STRBP: variants seen among roughly 807,000 people sequenced by gnomAD.
STRBP encodes spermatid perinuclear RNA-binding protein.
Under a neutral mutation model 80.1 loss-of-function variants are expected in STRBP, and 13 were observed. The ratio of observed to expected loss-of-function variants is 0.16; its 90% CI spans 0.11 to 0.26. STRBP has a LOEUF of 0.26. Among genes scored for constraint, STRBP ranks in the 10% least tolerant of loss-of-function variants. The pLI is 1.00. For missense variants in STRBP, 485 were observed against 815.2 expected (o/e 0.59, Z 4.93); for synonymous variants, 284 against 291.2 (o/e 0.98, Z 0.25).
intron 2 of STRBP, among the ~76,000 whole-genome samples, chr9:123,212,096 G>A (rs1275334806): frequency 1.3e-5 from 2 of 152,048 alleles, no homozygotes; most frequent in East Asian, 1.9e-4. Flanking sequence ...CCTTAATACG[G>A]ATTTTTTTCA....
chr9:123,258,609 C>T (rs973954301), intron 1 of STRBP, among the ~76,000 whole-genome samples: 2 of 152,010 alleles, frequency 1.3e-5, no homozygotes, highest in African/African-American at 2.4e-5. Flanking sequence ...CGAGACCATC[C>T]TGGCTAACAC....
At chr9:123,143,837 G>T (rs2036693727) in intron 13 of STRBP, among the ~76,000 whole-genome samples, 1 of 152,152 alleles carries the variant, frequency 6.6e-6, no homozygotes, top group African/African-American at 2.4e-5. Context: ...TGAAATGTTA[G>T]ACCATCACTA....
In STRBP at chr9:123,115,983, CTGGTCCTTCCAT is replaced by C; in HGVS notation, c.*18_*29del. The C allele has an allele frequency of 2.2e-6, 1 of 456,246 alleles. No homozygotes were observed. Among genetic ancestry groups the C allele is most frequent in the South Asian group, 1.5e-5 (1 of 64,560 alleles). The allele number at this position is 456,246 out of a possible 1,614,324, so 28.3% of individuals were successfully genotyped here. A position where few individuals can be genotyped will look rare whatever the true frequency, so the allele number is the denominator to read the frequency against. ...TCTCCTCTTCACCAGCCTTAACCTT[CTGGTCCTTCCAT>C]CTCATTTCAAGGTGCTTTCAGCTTT... On this transcript the variant is annotated 3_prime_UTR_variant and NMD_transcript_variant, in exon 3 of 4. Transcript: ENST00000471564. This position sits in a 1 kb window ranked among gnomAD's most constrained non-coding sequence, Gnocchi z 5.0.
Position 123,174,722 on chromosome 9 carries a change from TA to T in STRBP, c.225-881del, listed in dbSNP as rs545631341. Among the ~76,000 whole-genome samples the T allele has an allele frequency of 1.1e-3, 169 of 152,286 alleles. 7 individuals carry two copies. In the South Asian group the frequency reaches 0.034, roughly 30 times the overall value. The stretch of plus-strand genomic sequence containing the variant: ...AAGTATAGAGCTAAGGAAGGAAAGA[TA>T]AACTGCCAGCATATGCATTCCAAAT... On this transcript the variant is annotated intron_variant, in intron 4 of 18. Coordinates refer to ENST00000348403, the MANE Select transcript of STRBP (RefSeq NM_018387.5).
intron 1 of STRBP, among the ~76,000 whole-genome samples, chr9:123,266,695 A>T (rs1171512562): frequency 6.6e-6 from 1 of 151,908 alleles, no homozygotes; most frequent in Non-Finnish European, 1.5e-5. Context: ...AAACCTGGGC[A>T]TCCTATTTCC....
intron 2 of STRBP, among the ~76,000 whole-genome samples, chr9:123,218,316 C>T (rs2039960131): frequency 6.7e-6 from 1 of 149,882 alleles, no homozygotes; most frequent in Non-Finnish European, 1.5e-5. Context: ...AGGAAATAAC[C>T]TAAATGAATT....
At chr9:123,227,352 CCT>C (rs894742258) in intron 2 of STRBP, among the ~76,000 whole-genome samples, 3 of 151,798 alleles carry the variant, frequency 2.0e-5, no homozygotes, top group Admixed American at 6.6e-5. Flanking sequence ...GTGCAAAGGC[CCT>C]GAGTCTAACA....
At chr9:123,241,499 A>T (rs996101641) in intron 1 of STRBP, among the ~76,000 whole-genome samples, 3 of 151,534 alleles carry the variant, frequency 2.0e-5, no homozygotes, top group Non-Finnish European at 4.4e-5. Flanking sequence ...ACAGAGCAAG[A>T]CCTTGTCAAC....
chr9:123,112,443 C>A (rs998792102), intron 3 of STRBP: 1 of 167,352 alleles, frequency 6.0e-6, no homozygotes, highest in Non-Finnish European at 1.5e-5. Flanking sequence ...TATCAACGCA[C>A]GGCAGCGCCA....
chr9:123,173,612 TCAAAGTCAC>T, intron 5 of STRBP, 56 bp downstream of exon 5: 1 of 1,516,482 alleles, frequency 6.6e-7, no homozygotes, highest in South Asian at 1.3e-5. Context: ...AATAATTTTT[TCAAAGTCAC>T]TACCTATTTC....
chr9:123,186,031 CA>C (rs745615075), intron 2 of STRBP, among the ~76,000 whole-genome samples: 15 of 110,772 alleles, frequency 1.4e-4, no homozygotes, highest in Admixed American at 2.1e-4. Flanking sequence ...GACTCCGTCT[CA>C]AAAAAAAAAA....
intron 7 of STRBP, 52 bp downstream of exon 7, chr9:123,160,925 A>G (rs2037496791): frequency 5.4e-6 from 8 of 1,479,378 alleles, no homozygotes; most frequent in South Asian, 1.3e-5. Flanking sequence ...AGGTGTTCCA[A>G]ATGAAACTTG....
intron 2 of STRBP, among the ~76,000 whole-genome samples, chr9:123,233,056 C>A (rs1381130536): frequency 6.6e-6 from 1 of 152,152 alleles, no homozygotes; most frequent in Admixed American, 6.5e-5. Flanking sequence ...AACAGTTATA[C>A]ATTTTTATGT....
At chr9:123,245,572 G>A (rs2040784131) in intron 1 of STRBP, among the ~76,000 whole-genome samples, 1 of 152,060 alleles carries the variant, frequency 6.6e-6, no homozygotes, top group Non-Finnish European at 1.5e-5. Flanking sequence ...TAGTAGAGAT[G>A]GGGTTTCACT....
At chr9:123,146,682 C>A (rs1264226246) in intron 13 of STRBP, among the ~76,000 whole-genome samples, 173 bp downstream of exon 13, 3 of 151,528 alleles carry the variant, frequency 2.0e-5, no homozygotes. Flanking sequence ...AAGACTACCA[C>A]ATATTATTTT....
At chr9:123,129,692 C>G (rs925665573) in intron 17 of STRBP, among the ~76,000 whole-genome samples, 4 of 152,170 alleles carry the variant, frequency 2.6e-5, no homozygotes, top group African/African-American at 9.6e-5. Context: ...TGGTCCTACC[C>G]CAGGCAGTCA....
chr9:123,130,907 CCTGCCTCCAGTAGCAATA>C (rs2036109605), intron 17 of STRBP, among the ~76,000 whole-genome samples: 1 of 152,008 alleles, frequency 6.6e-6, no homozygotes, highest in African/African-American at 2.4e-5. Flanking sequence ...TTTCTTCTTC[CCTGCCTCCAGTAGCAATA>C]CTATCAATGT....
chr9:123,174,257 A>T (rs1181834717), intron 4 of STRBP, among the ~76,000 whole-genome samples: 1 of 152,188 alleles, frequency 6.6e-6, no homozygotes, highest in African/African-American at 2.4e-5. Context: ...GCAACACAGT[A>T]ACACCCTGTT....
At chr9:123,185,886 G>C in intron 2 of STRBP, among the ~76,000 whole-genome samples, 2 of 152,094 alleles carry the variant, frequency 1.3e-5, no homozygotes, top group Non-Finnish European at 2.9e-5. Flanking sequence ...AAAAAAATTA[G>C]CCGGGCATGG....
Sources: gnomAD v4.1 joint callset for allele counts (sites outside exome capture counted in the v4.1 genomes callset) on GRCh38, gnomAD v4.1.1 for gene constraint, Gnocchi (gnomAD v3.1) non-coding constraint, MANE v1.5 for transcripts, NCBI Gene and HGNC (gene_info 2026-07-23, HGNC 2026-07-21) for gene names.